The following PRKG1 variants were observed in gnomAD, a reference collection of about 807,000 sequenced individuals.
The protein encoded by PRKG1 is cGMP-dependent protein kinase 1.
A neutral mutation model predicts 88.1 loss-of-function variants in PRKG1; 35 were observed. The observed-to-expected ratio is 0.40, with a 90% CI of 0.30 to 0.53. The LOEUF (loss-of-function observed/expected upper bound fraction) is 0.53, where lower values mean the gene tolerates loss of function less well. Among genes scored for constraint, PRKG1 ranks in the 20% least tolerant of loss-of-function variants. The pLI is 0.59. For synonymous variants in PRKG1, 303 were observed against 292.5 expected (o/e 1.04, Z -0.37); for missense variants, 540 against 839.8 (o/e 0.64, Z 4.41).
At chr10:51,689,239 A>ACTATCTATCTATCTAT (rs1164074395) in intron 3 of PRKG1, among the ~76,000 whole-genome samples, 4,214 of 150,300 alleles carry the variant, frequency 0.028, 104 homozygotes, top group African/African-American at 0.05. Flanking sequence ...AAATCTATCT[A>ACTATCTATCTATCTAT]CTATCTATCT....
At chr10:51,569,735 A>T (rs1287368527) in intron 3 of PRKG1, among the ~76,000 whole-genome samples, 1 of 152,026 alleles carries the variant, frequency 6.6e-6, no homozygotes, top group African/African-American at 2.4e-5. Flanking sequence ...GTTACCTGGC[A>T]TTGGGTAAAC....
intron 1 of PRKG1, among the ~76,000 whole-genome samples, chr10:51,016,314 G>A (rs192814616): frequency 9.9e-5 from 15 of 152,074 alleles, no homozygotes; most frequent in African/African-American, 3.1e-4. Flanking sequence ...TAAAGCTTAC[G>A]TTCTTTGTTC....
At chr10:51,990,084 G>T (rs932948798) in intron 5 of PRKG1, among the ~76,000 whole-genome samples, 10 of 152,132 alleles carry the variant, frequency 6.6e-5, no homozygotes, top group African/African-American at 2.4e-4. Flanking sequence ...TGAAGAGACT[G>T]CCCTTTCCTC....
At chr10:51,673,446 G>A (rs1840633221) in intron 3 of PRKG1, among the ~76,000 whole-genome samples, 2 of 152,172 alleles carry the variant, frequency 1.3e-5, no homozygotes, top group African/African-American at 4.8e-5. Context: ...GAGCAATGAG[G>A]AAATTGGAGA....
upstream of PRKG1, among the ~76,000 whole-genome samples, chr10:51,072,711 C>G (rs1391428271): frequency 6.6e-6 from 1 of 152,004 alleles, no homozygotes; most frequent in Non-Finnish European, 1.5e-5. Context: ...AAGAGAATTA[C>G]TAGATCATAA....
At chr10:52,118,517 T>C (rs951359137) in intron 7 of PRKG1, among the ~76,000 whole-genome samples, 2 of 152,048 alleles carry the variant, frequency 1.3e-5, no homozygotes, top group African/African-American at 2.4e-5. Context: ...ATCTCTATGA[T>C]AGGTGCTGAG....
intron 2 of PRKG1, among the ~76,000 whole-genome samples, chr10:51,374,397 A>G (rs916741047): frequency 2.0e-5 from 3 of 151,962 alleles, no homozygotes; most frequent in African/African-American, 7.3e-5. Flanking sequence ...AGTTTCATCT[A>G]TGTCCCTGCA....
At chr10:52,039,765 G>T (rs922239803) in intron 5 of PRKG1, among the ~76,000 whole-genome samples, 4 of 152,040 alleles carry the variant, frequency 2.6e-5, no homozygotes, top group Non-Finnish European at 5.9e-5. Context: ...ACTATATTTG[G>T]TATTAGCTCT....
At chr10:51,406,449 C>T (rs563679982) in intron 2 of PRKG1, among the ~76,000 whole-genome samples, 20 of 152,262 alleles carry the variant, frequency 1.3e-4, no homozygotes, top group African/African-American at 4.6e-4. Flanking sequence ...TCTTGGCCCA[C>T]TGGAGATAGA....
At chr10:51,136,872 C>T (rs149415263) in intron 1 of PRKG1, among the ~76,000 whole-genome samples, 161 of 152,100 alleles carry the variant, frequency 1.1e-3, no homozygotes, top group Non-Finnish European at 2.9e-4. Context: ...ATTGAGAATA[C>T]TTGAATATGC....
chr10:51,007,645 TC>T (rs917793032), intron 1 of PRKG1, among the ~76,000 whole-genome samples: 1 of 152,114 alleles, frequency 6.6e-6, no homozygotes, highest in African/African-American at 2.4e-5. Flanking sequence ...ACCTTCAATT[TC>T]CCCCGTAAAT....
At chr10:51,662,869 A>AGTGTACT (rs1382288049) in intron 3 of PRKG1, among the ~76,000 whole-genome samples, 3 of 152,068 alleles carry the variant, frequency 2.0e-5, no homozygotes, top group African/African-American at 7.2e-5. Flanking sequence ...GTTAGTGAAT[A>AGTGTACT]GTGTACTGGG....
chr10:52,249,697 CGT>C (rs1841122722), intron 9 of PRKG1, among the ~76,000 whole-genome samples: 1 of 152,050 alleles, frequency 6.6e-6, no homozygotes, highest in African/African-American at 2.4e-5. Flanking sequence ...GTGACGCACA[CGT>C]GTAATCCCAG....
chr10:51,090,522 A>G (rs1844374248), intron 1 of PRKG1, among the ~76,000 whole-genome samples: 1 of 152,112 alleles, frequency 6.6e-6, no homozygotes, highest in South Asian at 2.1e-4. Flanking sequence ...GGCCTACCAA[A>G]AATTTAAGAA....
intron 9 of PRKG1, among the ~76,000 whole-genome samples, chr10:52,186,726 G>A (rs1839211063): frequency 6.6e-6 from 1 of 151,710 alleles, no homozygotes; most frequent in African/African-American, 2.4e-5. Flanking sequence ...CTAAATACAT[G>A]TGGAGGAGCC....
chr10:51,621,290 C>T (rs1839205455), intron 3 of PRKG1, among the ~76,000 whole-genome samples: 1 of 150,078 alleles, frequency 6.7e-6, no homozygotes, highest in South Asian at 2.1e-4. Context: ...AATTATATGT[C>T]AACAGTTCTC....
chr10:51,359,911 T>C (rs1842444105), intron 2 of PRKG1, among the ~76,000 whole-genome samples: 1 of 151,956 alleles, frequency 6.6e-6, no homozygotes, highest in South Asian at 2.1e-4. Context: ...TAGCCTGGAA[T>C]TTCCAAGATA....
chr10:52,260,872 TTGAA>T lies in PRKG1; in HGVS notation c.1173+9211_1173+9214del, dbSNP rs1296582457. ...GAAGACACTCAAAGTAGGTAGCCTT[TTGAA>T]TGAAAATGAATGAATAAACTAATTC... On this transcript the variant is annotated intron_variant, in intron 10 of 17. Transcript: ENST00000373980. Among the ~76,000 whole-genome samples, 5 of 152,080 alleles carry T rather than the reference TTGAA, an allele frequency of 3.3e-5. No individual in the cohort carries two copies. In the East Asian group the frequency reaches 7.7e-4, roughly 23 times the overall value.
At chr10:51,415,541 G>A (rs949074339) in intron 2 of PRKG1, among the ~76,000 whole-genome samples, 4 of 152,148 alleles carry the variant, frequency 2.6e-5, no homozygotes, top group African/African-American at 7.2e-5. Context: ...CCCCTGAGGT[G>A]AAAGGGCTCT....
Sources: allele counts gnomAD v4.1 joint callset (sites outside exome capture counted in the v4.1 genomes callset), GRCh38; gene constraint gnomAD v4.1.1; transcripts MANE v1.5; gene names NCBI Gene and HGNC (gene_info 2026-07-23, HGNC 2026-07-21).